Variants in RETREG1 observed in about 807,000 individuals in gnomAD.
RETREG1 encodes family with sequence similarity 134 member B.
RETREG1 carries 44 observed loss-of-function variants against 54.8 expected under a neutral mutation model. That is an observed-to-expected ratio of 0.80 (90% confidence interval 0.63 to 1.03). The LOEUF (loss-of-function observed/expected upper bound fraction) is 1.03. RETREG1 is among the 50% of genes least tolerant of loss of function. The pLI is 0.00. For synonymous variants in RETREG1, 217 were observed against 238.5 expected (o/e 0.91, Z 0.83); for missense variants, 554 against 605.1 (o/e 0.92, Z 0.89).
At chr5:16,480,180 A>G (rs1011250029) in intron 5 of RETREG1, among the ~76,000 whole-genome samples, 10 of 151,864 alleles carry the variant, frequency 6.6e-5, no homozygotes. Flanking sequence ...CCAGGCAACC[A>G]CTGACCTGCT....
chr5:16,532,090 A>G (rs998339083), intron 3 of RETREG1, among the ~76,000 whole-genome samples: 4 of 152,222 alleles, frequency 2.6e-5, no homozygotes, highest in African/African-American at 9.7e-5. Flanking sequence ...AGATTAAACA[A>G]TAGTTCCTGA....
chr5:16,481,558 T>A (rs185962440), intron 4 of RETREG1, among the ~76,000 whole-genome samples: 17 of 152,202 alleles, frequency 1.1e-4, no homozygotes, highest in Admixed American at 3.3e-4. Context: ...TAGAGGTATC[T>A]ACACAAATCT....
chr5:16,478,861 C>T lies in RETREG1; in HGVS notation c.797G>A (p.Arg266His), dbSNP rs374340868. 17 of 1,611,818 alleles carry T rather than the reference C, an allele frequency of 1.1e-5. No individual in the cohort carries two copies. The highest frequency in any genetic ancestry group is 1.7e-4 in the Middle Eastern group (1 of 6,014). Reference protein sequence around the residue: ...GIGEYINQKKRERSEADKEKS... With the variant: ...GIGEYINQKKHERSEADKEKS... ...TAAACTTTACCTACCAGATCTCTCA[C>T]GTTTCTTCTGATTAATATATTCTCC... Residue 266 changes from arginine (R) to histidine (H), a missense_variant, in exon 6 of 9, where the codon CGT (arginine) becomes CAT (histidine). By Grantham distance (29) the Arg-to-His change is conservative (BLOSUM62 0). This residue lies in a region of RETREG1 where 347 missense variants were observed against 412.3 expected (regional missense o/e 0.84). Transcript: ENST00000306320.
At chr5:16,509,245 TCAAAAAGGTTTAAAA>T (rs1354051618) in intron 3 of RETREG1, 1 of 155,096 alleles carries the variant, frequency 6.4e-6, no homozygotes, top group Non-Finnish European at 1.4e-5. Context: ...GATCCCTTAC[TCAAAAAGGTTTAAAA>T]CAAAAGCCAT....
At chr5:16,478,321 T>C (rs570919120) in intron 6 of RETREG1, among the ~76,000 whole-genome samples, 3 of 152,286 alleles carry the variant, frequency 2.0e-5, no homozygotes, top group East Asian at 3.9e-4. Context: ...ATATTGTCCC[T>C]GAAACAGCAA....
chr5:16,481,115 T>C, intron 4 of RETREG1, 22 bp from the exon 5 acceptor site: 1 of 1,547,072 alleles, frequency 6.5e-7, no homozygotes, highest in Non-Finnish European at 8.9e-7. Flanking sequence ...AGAAATAACA[T>C]GGGATAGTTA....
At chr5:16,543,230 C>T (rs1306124516) in intron 3 of RETREG1, among the ~76,000 whole-genome samples, 10 of 152,200 alleles carry the variant, frequency 6.6e-5, no homozygotes, top group Non-Finnish European at 1.5e-5. Context: ...TTTATTTATG[C>T]ACTCACCTCT....
chr5:16,483,774 G>C (rs941403156), intron 3 of RETREG1, among the ~76,000 whole-genome samples: 12 of 152,080 alleles, frequency 7.9e-5, no homozygotes, highest in African/African-American at 2.7e-4. Flanking sequence ...TGGATCAGCA[G>C]GTTAATCATA....
rs181043261 is a variant in RETREG1 at position 16,510,485 on chromosome 5, T to C, written c.459-27013A>G. Among the ~76,000 whole-genome samples the C allele has an allele frequency of 7.0e-4, 106 of 152,238 alleles. 1 individual carries two copies. The highest frequency in any genetic ancestry group is 6.6e-3 in the Admixed American group (101 of 15,278). ...GAAAATATTATCAATGATAATATTT[T>C]GGCACTTGTACAAAATCTTATCGGC... On this transcript the variant is annotated intron_variant, in intron 3 of 8. Transcript: ENST00000306320.
chr5:16,475,331 G>A, intron 8 of RETREG1, 97 bp from the exon 9 acceptor site: 1 of 1,384,236 alleles, frequency 7.2e-7, no homozygotes, highest in Non-Finnish European at 9.9e-7. Flanking sequence ...TGAACCCTCT[G>A]GCAACCTTGG....
chr5:16,558,774 G>A (rs763594248), intron 3 of RETREG1, among the ~76,000 whole-genome samples: 12 of 152,176 alleles, frequency 7.9e-5, no homozygotes, highest in Non-Finnish European at 1.3e-4. Flanking sequence ...AACATGGAGC[G>A]TGATTAAACC....
chr5:16,588,619 C>T (rs1490696999), intron 1 of RETREG1, among the ~76,000 whole-genome samples: 1 of 152,232 alleles, frequency 6.6e-6, no homozygotes, highest in Non-Finnish European at 1.5e-5. Context: ...CCCAAACTCC[C>T]TGCCAGAAAG....
chr5:16,606,100 C>A (rs1743183628), intron 1 of RETREG1, among the ~76,000 whole-genome samples: 1 of 152,176 alleles, frequency 6.6e-6, no homozygotes, highest in Non-Finnish European at 1.5e-5. Context: ...CACAATACTG[C>A]AGCGAGGAGG....
chr5:16,475,076 T>C lies in RETREG1; in HGVS notation c.1159A>G (p.Ser387Gly). 1 of 1,613,996 alleles carries C rather than the reference T, an allele frequency of 6.2e-7. No homozygotes were observed. The highest frequency in any genetic ancestry group is 8.5e-7 in the Non-Finnish European group (1 of 1,179,920). Residue 387 changes from serine to glycine, a missense_variant, in exon 9 of 9, where the codon AGC (serine) becomes GGC (glycine). Physicochemically the swap from Ser to Gly is moderately conservative, Grantham distance 56. Around this residue, in one of 4 missense-constraint regions of RETREG1, gnomAD observed 347 missense variants for 412.3 expected, o/e 0.84. Coordinates refer to ENST00000306320, the MANE Select transcript of RETREG1 (RefSeq NM_001034850.3). Reference protein sequence around the residue: ...KEQLDSGHRPSKETQSAAGLT... With the variant: ...KEQLDSGHRPGKETQSAAGLT... ...CCAGCTGCTGATTGCGTCTCTTTGCTTGGTCTGTGACCACTGTCCAACTGT... is the reference window on the plus strand; with the variant it reads ...CCAGCTGCTGATTGCGTCTCTTTGCCTGGTCTGTGACCACTGTCCAACTGT...
chr5:16,524,276 G>A lies in RETREG1; in HGVS notation c.459-40804C>T, dbSNP rs185352745. The stretch of plus-strand genomic sequence containing the variant: ...GTGACTGTCTCCACTGCAGTGAGCC[G>A]TGTGAACCATTTCCAATGTACTCCC... On this transcript the variant is annotated intron_variant, in intron 3 of 8. Transcript: ENST00000306320. 1.1e-4 allele frequency among the ~76,000 whole-genome samples: 17 copies of A among 152,272 alleles called. No homozygotes were observed. In the East Asian group the frequency reaches 1.2e-3, roughly 10 times the overall value.
At chr5:16,540,178 C>T (rs1470563246) in intron 3 of RETREG1, among the ~76,000 whole-genome samples, 1 of 152,130 alleles carries the variant, frequency 6.6e-6, no homozygotes, top group Non-Finnish European at 1.5e-5. Flanking sequence ...AAGCCTGGAT[C>T]CCCCCGCTAA....
At chr5:16,550,735 A>C (rs922678470) in intron 3 of RETREG1, among the ~76,000 whole-genome samples, 1 of 152,252 alleles carries the variant, frequency 6.6e-6, no homozygotes, top group Non-Finnish European at 1.5e-5. Flanking sequence ...ATGTCCGTCA[A>C]CTGATGACAA....
chr5:16,523,597 C>T (rs1428526324), intron 3 of RETREG1, among the ~76,000 whole-genome samples: 1 of 152,092 alleles, frequency 6.6e-6, no homozygotes, highest in Non-Finnish European at 1.5e-5. Context: ...GCCAAATTTG[C>T]AACTGTAGTT....
At chr5:16,568,814 A>G (rs550917339) in intron 2 of RETREG1, among the ~76,000 whole-genome samples, 2 of 152,324 alleles carry the variant, frequency 1.3e-5, no homozygotes, top group African/African-American at 4.8e-5. Flanking sequence ...TACACTTAAA[A>G]ATTTTCTAAG....
Sources: allele counts gnomAD v4.1 joint callset (sites outside exome capture counted in the v4.1 genomes callset), GRCh38; gene constraint gnomAD v4.1.1; regional missense constraint gnomAD v4.1.1; transcripts MANE v1.5; gene names NCBI Gene and HGNC (gene_info 2026-07-23, HGNC 2026-07-21).